CDCA7L: variants seen among roughly 807,000 people sequenced by gnomAD.
The protein encoded by CDCA7L is cell division cycle-associated 7-like protein.
CDCA7L carries 44 observed loss-of-function variants against 57.4 expected under a neutral mutation model. The observed-to-expected ratio is 0.77, with a 90% CI of 0.60 to 0.98. The LOEUF (loss-of-function observed/expected upper bound fraction) is 0.98. Among genes scored for constraint, CDCA7L ranks in the 50% least tolerant of loss-of-function variants. The pLI is 0.00. For synonymous variants in CDCA7L, 236 were observed against 202.8 expected, an observed-to-expected ratio of 1.16 and a Z score of -1.39; for missense variants, 644 against 580.6, an observed-to-expected ratio of 1.11 and a Z score of -1.12.
chr7:21,901,351 G>GTAAC lies in CDCA7L; in HGVS notation c.*967_*970dup. On this transcript the variant is annotated 3_prime_UTR_variant, in exon 10 of 10. Coordinates refer to ENST00000406877, the MANE Select transcript of CDCA7L (RefSeq NM_018719.5). Reference sequence around the variant, plus strand: ...CCATGCACATTATTCTAACTTTTTAGTAACTCACACGTGCATTCTTTTTTC... The same window carrying GTAAC: ...CCATGCACATTATTCTAACTTTTTAGTAACTAACTCACACGTGCATTCTTTTTTC... 1.4e-6 allele frequency: 2 copies of GTAAC among 1,392,948 alleles called. No homozygotes were observed. Among genetic ancestry groups the GTAAC allele is most frequent in the Admixed American group, 2.7e-5 (1 of 37,292 alleles). 86.3% of individuals were successfully genotyped at this position (1,392,948 alleles called of 1,614,324 possible).
intron 2 of CDCA7L, among the ~76,000 whole-genome samples, chr7:21,916,450 C>T (rs1228427790): frequency 2.0e-5 from 3 of 150,860 alleles, no homozygotes; most frequent in Non-Finnish European, 4.4e-5. Context: ...AACACAGCCT[C>T]GCCACAGGTT....
At position 21,905,524 on chromosome 7, in the gene CDCA7L, T is replaced by C. The variant is rs763253116; in HGVS notation, c.1029A>G (p.Lys343=). The part of the protein sequence containing the change: ...LENVAITVRD[K]IYDKVLGNTC... ...ACTTTACCAGAACTTTATCATAGAT[T>C]TTATCTCGAACAGTTATGGCAACAT... Residue 343 remains lysine (K), a synonymous_variant, in exon 7 of 10, where the codon AAA becomes AAG. Transcript: ENST00000406877. 5.6e-6 allele frequency: 9 copies of C among 1,613,988 alleles called. 1 individual carries two copies. The highest frequency in any genetic ancestry group is 5.9e-6 in the Non-Finnish European group (7 of 1,179,912).
intron 1 of CDCA7L, among the ~76,000 whole-genome samples, chr7:21,922,670 G>T (rs1277674737): frequency 6.6e-6 from 1 of 152,158 alleles, no homozygotes; most frequent in Non-Finnish European, 1.5e-5. Context: ...ATAGTAGAGG[G>T]CATCAAAGTG....
intron 1 of CDCA7L, among the ~76,000 whole-genome samples, chr7:21,927,353 G>A (rs1255119381): frequency 1.3e-5 from 2 of 152,074 alleles, no homozygotes; most frequent in Non-Finnish European, 2.9e-5. Flanking sequence ...TTATGGAGCT[G>A]AAAAAAATAG....
At chr7:21,944,449 C>CAAAAAAAAAGAAAAA (rs1786445350) in intron 1 of CDCA7L, among the ~76,000 whole-genome samples, 1 of 61,658 alleles carries the variant, frequency 1.6e-5, no homozygotes, top group African/African-American at 9.0e-5. Flanking sequence ...ACTCCGTCTC[C>CAAAAAAAAAGAAAAA]AAAAAAAAAA....
In CDCA7L at chr7:21,916,859, G is replaced by A. The variant is rs1214818749; in HGVS notation, c.60C>T (p.Pro20=). The change falls in exon 2 of 10, where the codon CCC becomes CCT. Residue 20 remains proline, a synonymous_variant. Coordinates refer to ENST00000406877, the MANE Select transcript of CDCA7L (RefSeq NM_018719.5). ...AGCCAACAAACTCTTCATCATCACTGGGGGCGTTAAAGATGTCAGCCACTT... is the reference window on the plus strand; with the variant it reads ...AGCCAACAAACTCTTCATCATCACTAGGGGCGTTAAAGATGTCAGCCACTT... ...PKEVADIFNA[P]SDDEEFVGFR... 6.2e-7 allele frequency: 1 copy of A among 1,613,852 alleles called. No individual in the cohort carries two copies. Among genetic ancestry groups the A allele is most frequent in the Non-Finnish European group, 8.5e-7 (1 of 1,179,924 alleles).
At position 21,906,613 on chromosome 7, in the gene CDCA7L, G is replaced by T; in HGVS notation, c.708C>A (p.Asn236Lys). ...AMLAQLLAEL[N>K]SMPDFFPVRT... ...GTACTGGGAAGAAATCTGGCATCGAGTTCAATTCCGCCAATAACTGGGCAA... is the reference window on the plus strand; with the variant it reads ...GTACTGGGAAGAAATCTGGCATCGATTTCAATTCCGCCAATAACTGGGCAA... Residue 236 changes from asparagine to lysine, a missense_variant, in exon 5 of 10, where the codon AAC (asparagine) becomes AAA (lysine). Physicochemically the swap from Asn to Lys is moderately conservative, Grantham distance 94. Coordinates refer to ENST00000406877, the MANE Select transcript of CDCA7L (RefSeq NM_018719.5). 6.2e-7 allele frequency: 1 copy of T among 1,614,040 alleles called. No individual in the cohort carries two copies. Among genetic ancestry groups the T allele is most frequent in the Non-Finnish European group, 8.5e-7 (1 of 1,180,022 alleles).
At chr7:21,935,135 T>C (rs1265284947) in intron 1 of CDCA7L, among the ~76,000 whole-genome samples, 3 of 152,200 alleles carry the variant, frequency 2.0e-5, no homozygotes, top group Non-Finnish European at 4.4e-5. Context: ...GGACACACTA[T>C]ATGTTAGGCC....
intron 1 of CDCA7L, among the ~76,000 whole-genome samples, chr7:21,940,903 T>C (rs968805370): frequency 1.8e-4 from 27 of 152,216 alleles, no homozygotes; most frequent in Admixed American, 1.7e-3. Context: ...CTCTCCACTT[T>C]CCCCCCAACT....
In CDCA7L at chr7:21,936,398, C is replaced by T. The variant is rs1441397275; in HGVS notation, c.24+9383G>A. Among the ~76,000 whole-genome samples the T allele has an allele frequency of 5.9e-5, 9 of 152,234 alleles. No individual in the cohort carries two copies. The South Asian group carries it at 8.3e-4, about 14-fold the overall frequency. ...GAAAACTATACAGCCATATCTCTTA[C>T]GAATACTGATACAAGAATACTCAAC... On this transcript the variant is annotated intron_variant, in intron 1 of 9. Transcript: ENST00000406877.
chr7:21,911,581 G>A lies in CDCA7L; in HGVS notation c.303+36C>T, dbSNP rs11974678. 0.011 allele frequency: 17,496 copies of A among 1,571,826 alleles called. 1,503 individuals are homozygous for A. The African/African-American group carries it at 0.2, about 18-fold the overall frequency. On this transcript the variant is annotated intron_variant, in intron 3 of 9. Coordinates refer to ENST00000406877, the MANE Select transcript of CDCA7L (RefSeq NM_018719.5). ...CTCTTTCAGAAACAGGATTAAAAAC[G>A]TTACCACCCACATCCCTTCCTGTTG...
At chr7:21,902,434 C>CTAAGAGTA (rs539231967) in intron 9 of CDCA7L, 82 bp from the exon 10 acceptor site, 102 of 1,357,430 alleles carry the variant, frequency 7.5e-5, no homozygotes, top group Non-Finnish European at 9.9e-5. Context: ...CCACAATCAT[C>CTAAGAGTA]TAAGAGTACA....
intron 1 of CDCA7L, among the ~76,000 whole-genome samples, chr7:21,942,097 G>A (rs1294711317): frequency 2.5e-4 from 38 of 152,122 alleles, no homozygotes; most frequent in Non-Finnish European, 2.9e-5. Context: ...CACATAACCG[G>A]TGCTCAACTG....
chr7:21,931,605 C>T (rs546778212), intron 1 of CDCA7L, among the ~76,000 whole-genome samples: 2 of 152,246 alleles, frequency 1.3e-5, no homozygotes, highest in African/African-American at 4.8e-5. Flanking sequence ...TCTCAGTAAA[C>T]GAGGTATTGA....
chr7:21,937,269 C>T (rs6963571), intron 1 of CDCA7L, among the ~76,000 whole-genome samples: 30,307 of 151,974 alleles, frequency 0.2, 3,903 homozygotes, highest in East Asian at 0.56. Flanking sequence ...TGACTTCTTT[C>T]GTAAAAACAA....
At chr7:21,940,980 TG>T (rs1236580427) in intron 1 of CDCA7L, among the ~76,000 whole-genome samples, 1 of 152,224 alleles carries the variant, frequency 6.6e-6, no homozygotes, top group Non-Finnish European at 1.5e-5. Flanking sequence ...ATCATAAGCT[TG>T]GTTCTAACCT....
intron 1 of CDCA7L, among the ~76,000 whole-genome samples, chr7:21,929,851 A>C (rs1023475998): frequency 1.3e-5 from 2 of 152,152 alleles, no homozygotes; most frequent in African/African-American, 4.8e-5. Flanking sequence ...AAAGAGACTT[A>C]GACTCCCACA....
intron 8 of CDCA7L, 157 bp downstream of exon 8, chr7:21,903,953 C>CTATT (rs748217015): frequency 1.0e-4 from 62 of 608,942 alleles, no homozygotes; most frequent in Non-Finnish European, 1.3e-4. Flanking sequence ...GAAGGAATCC[C>CTATT]TATTTTTCAT....
chr7:21,927,361 T>C (rs1581694), intron 1 of CDCA7L, among the ~76,000 whole-genome samples: 70,548 of 151,572 alleles, frequency 0.47, 17,357 homozygotes, highest in Non-Finnish European at 0.56. Flanking sequence ...CTGAAAAAAA[T>C]AGAATGACCA....
Sources: allele counts gnomAD v4.1 joint callset (sites outside exome capture counted in the v4.1 genomes callset), GRCh38; gene constraint gnomAD v4.1.1; transcripts MANE v1.5; gene names NCBI Gene and HGNC (gene_info 2026-07-23, HGNC 2026-07-21).